FLRT1: variants seen among roughly 807,000 people sequenced by gnomAD.
FLRT1 encodes the protein leucine-rich repeat transmembrane protein FLRT1.
In FLRT1, 14 loss-of-function variants were observed where a neutral mutation model predicts 30.9. The observed-to-expected ratio is 0.45, with a 90% CI of 0.30 to 0.71. The LOEUF (loss-of-function observed/expected upper bound fraction) is 0.71. Among genes scored for constraint, FLRT1 ranks in the 30% least tolerant of loss-of-function variants. The pLI is 0.08. For missense variants in FLRT1, 737 were observed against 949.2 expected, an observed-to-expected ratio of 0.78 and a Z score of 2.94; for synonymous variants, 368 against 430.4, an observed-to-expected ratio of 0.85 and a Z score of 1.80.
chr11:64,060,313 C>T (rs983975704), intron 1 of FLRT1: 1 of 152,196 alleles, frequency 6.6e-6, no homozygotes, highest in African/African-American at 2.4e-5. Flanking sequence ...CCGATCTGGG[C>T]CTCAGTTTCC....
chr11:64,050,671 T>C (rs1481114929), intron 1 of FLRT1, among the ~76,000 whole-genome samples: 3 of 152,168 alleles, frequency 2.0e-5, no homozygotes, highest in Admixed American at 6.5e-5. Flanking sequence ...CAGGCTGGAG[T>C]GCAGTGGCGC....
At chr11:64,112,289 G>A (rs1944876736) in intron 2 of FLRT1, among the ~76,000 whole-genome samples, 1 of 152,154 alleles carries the variant, frequency 6.6e-6, no homozygotes, top group African/African-American at 2.4e-5. Context: ...CCAGGGAGGT[G>A]GATCACGAGG....
chr11:64,116,128 C>G, intron 2 of FLRT1, 91 bp from the exon 3 acceptor site: 1 of 1,340,946 alleles, frequency 7.5e-7, no homozygotes, highest in Non-Finnish European at 9.9e-7. Context: ...CCCCTTGGTA[C>G]AGGCTGGCAG....
chr11:64,052,258 GA>G (rs999936249), intron 1 of FLRT1, among the ~76,000 whole-genome samples: 4 of 151,656 alleles, frequency 2.6e-5, no homozygotes, highest in South Asian at 2.1e-4. Flanking sequence ...CGGGGTGGGG[GA>G]AAAAAAACAA....
At chr11:64,046,714 G>C (rs1002713415) in intron 1 of FLRT1, among the ~76,000 whole-genome samples, 2 of 151,996 alleles carry the variant, frequency 1.3e-5, no homozygotes, top group Admixed American at 6.6e-5. Flanking sequence ...GGTCAGGCTG[G>C]CCTTGAACTC....
intron 1 of FLRT1, among the ~76,000 whole-genome samples, chr11:64,059,945 G>A (rs1943865730): frequency 1.3e-5 from 2 of 152,212 alleles, no homozygotes; most frequent in Non-Finnish European, 2.9e-5. Flanking sequence ...GGGCGCTTGG[G>A]GGATGTTGGG....
chr11:64,055,181 A>C (rs1242429174), intron 1 of FLRT1, among the ~76,000 whole-genome samples: 1 of 152,206 alleles, frequency 6.6e-6, no homozygotes, highest in Non-Finnish European at 1.5e-5. Context: ...AGGGCCTGGC[A>C]TGGAGCCCAG....
chr11:64,068,420 C>A (rs1268942063), intron 1 of FLRT1, among the ~76,000 whole-genome samples: 2 of 152,234 alleles, frequency 1.3e-5, no homozygotes, highest in Admixed American at 1.3e-4. Flanking sequence ...ACTGCATTGA[C>A]CTCACCAGCT....
chr11:64,051,322 G>C (rs543180622), intron 1 of FLRT1, among the ~76,000 whole-genome samples: 1 of 152,186 alleles, frequency 6.6e-6, no homozygotes, highest in Non-Finnish European at 1.5e-5. Flanking sequence ...CTGCCTTGAC[G>C]GCCCTCTGGG....
chr11:64,099,812 G>A (rs774254917), intron 1 of FLRT1, among the ~76,000 whole-genome samples: 21 of 151,950 alleles, frequency 1.4e-4, no homozygotes, highest in Non-Finnish European at 2.4e-4. Context: ...TGGACGGATG[G>A]AGAGGTGAAT....
intron 1 of FLRT1, among the ~76,000 whole-genome samples, chr11:64,076,428 A>G (rs1944201715): frequency 6.6e-6 from 1 of 152,128 alleles, no homozygotes; most frequent in South Asian, 2.1e-4. Flanking sequence ...CAGGTGGTCA[A>G]CTGTACTGGA....
At chr11:64,092,289 T>C (rs1944504506) in intron 1 of FLRT1, among the ~76,000 whole-genome samples, 1 of 152,148 alleles carries the variant, frequency 6.6e-6, no homozygotes, top group African/African-American at 2.4e-5. Flanking sequence ...ATGGGGAGAA[T>C]TAGTATTCCA....
At chr11:64,042,048 C>G (rs1190158312) in intron 1 of FLRT1, among the ~76,000 whole-genome samples, 1 of 152,168 alleles carries the variant, frequency 6.6e-6, no homozygotes, top group African/African-American at 2.4e-5. Flanking sequence ...GGGCAGCGGC[C>G]ATGGTGGGCC....
chr11:64,091,906 T>C (rs1341684674), intron 1 of FLRT1, among the ~76,000 whole-genome samples: 1 of 152,188 alleles, frequency 6.6e-6, no homozygotes, highest in East Asian at 1.9e-4. Flanking sequence ...CACTCTTCTC[T>C]GTGTCCCGAG....
At chr11:64,051,483 G>A (rs1409327570) in intron 1 of FLRT1, among the ~76,000 whole-genome samples, 1 of 152,210 alleles carries the variant, frequency 6.6e-6, no homozygotes, top group Non-Finnish European at 1.5e-5. Flanking sequence ...TGGGGCGGGG[G>A]CACCCTCTCG....
chr11:64,107,912 A>G (rs750355913), intron 2 of FLRT1, among the ~76,000 whole-genome samples: 5 of 152,248 alleles, frequency 3.3e-5, no homozygotes, highest in Non-Finnish European at 7.3e-5. Flanking sequence ...TCTGGGGCTC[A>G]GGGAAGAATG....
chr11:64,083,867 G>T (rs1944345761), intron 1 of FLRT1, among the ~76,000 whole-genome samples: 1 of 152,224 alleles, frequency 6.6e-6, no homozygotes, highest in Admixed American at 6.5e-5. Context: ...CTGACCTGGG[G>T]GGTGCTGGGC....
rs1440958457 is a variant in FLRT1, at chr11:64,117,924, C to T, written c.1657C>T (p.Leu553=). The T allele has an allele frequency of 6.2e-7, 1 of 1,613,950 alleles. No individual in the cohort carries two copies. Among genetic ancestry groups the T allele is most frequent in the Non-Finnish European group, 8.5e-7 (1 of 1,179,982 alleles). ...CGCTGGCCCCATGGCGAGCCTGCCC[C>T]TGGCGGGCATCATCGGCGGGGCAGT... ...QNAGPMASLP[L]AGIIGGAVAL... Residue 553 remains leucine, a synonymous_variant, in exon 3 of 3, where the codon CTG becomes TTG. Transcript: ENST00000682287.
chr11:64,112,411 G>A (rs1944879142), intron 2 of FLRT1, among the ~76,000 whole-genome samples: 1 of 152,156 alleles, frequency 6.6e-6, no homozygotes, highest in Admixed American at 6.5e-5. Context: ...CTACTCAGGA[G>A]GCTGAAGCAG....
Sources: gnomAD v4.1 joint callset for allele counts (sites outside exome capture counted in the v4.1 genomes callset) on GRCh38, gnomAD v4.1.1 for gene constraint, MANE v1.5 for transcripts, NCBI Gene and HGNC (gene_info 2026-07-23, HGNC 2026-07-21) for gene names.